The following DROSHA variants were observed in gnomAD, a reference collection of about 807,000 sequenced individuals.
The protein encoded by DROSHA is ribonuclease 3.
DROSHA carries 56 observed loss-of-function variants against 181.9 expected under a neutral mutation model. The ratio of observed to expected loss-of-function variants is 0.31; its 90% CI spans 0.25 to 0.38. The LOEUF (loss-of-function observed/expected upper bound fraction) is 0.38, where lower values mean the gene tolerates loss of function less well. DROSHA is among the 10% of genes least tolerant of loss of function. DROSHA has a pLI of 1.00. For synonymous variants in DROSHA, 524 were observed against 591.2 expected (o/e 0.89, Z 1.65); for missense variants, 1,218 against 1,743.5 (o/e 0.70, Z 5.37).
chr5:31,454,454 A>G (rs2150017720), intron 20 of DROSHA, among the ~76,000 whole-genome samples: 1 of 152,330 alleles, frequency 6.6e-6, no homozygotes, highest in Admixed American at 6.5e-5. Flanking sequence ...TGCAAAAATA[A>G]CAGGAGGAGG....
intron 16 of DROSHA, among the ~76,000 whole-genome samples, chr5:31,481,124 A>C (rs890270677): frequency 2.6e-5 from 4 of 152,320 alleles, no homozygotes; most frequent in East Asian, 1.9e-4. Flanking sequence ...CCATTTTCTA[A>C]AAGATCTTTA....
rs912261150 is a variant in DROSHA, at chr5:31,400,910, C to T, written c.*522G>A. The T allele has an allele frequency of 2.5e-5, 4 of 158,260 alleles. No homozygotes were observed. The highest frequency in any genetic ancestry group is 4.2e-5 in the Non-Finnish European group (3 of 72,174). The allele number at this position is 158,260 out of a possible 1,614,324, so 9.8% of individuals were successfully genotyped here. ...AGCCAATTAATTGTTAAACGGATTC[C>T]TTCTACAAAACACTCACTGCTTAGA... is the stretch of plus-strand genomic sequence containing the variant. On this transcript the variant is annotated 3_prime_UTR_variant, in exon 36 of 36. Transcript: ENST00000344624.
intron 23 of DROSHA, among the ~76,000 whole-genome samples, chr5:31,438,259 T>A (rs1256340668): frequency 1.3e-5 from 2 of 152,112 alleles, no homozygotes; most frequent in Admixed American, 1.3e-4. Context: ...TGATTTAGGT[T>A]TTCAACAGGC....
At chr5:31,444,677 T>C (rs1746038555) in intron 23 of DROSHA, among the ~76,000 whole-genome samples, 2 of 152,200 alleles carry the variant, frequency 1.3e-5, no homozygotes, top group Non-Finnish European at 2.9e-5. Flanking sequence ...TATAGAATTC[T>C]ACTTATTAAA....
chr5:31,519,032 A>C (rs1739579406), intron 6 of DROSHA, among the ~76,000 whole-genome samples: 1 of 152,102 alleles, frequency 6.6e-6, no homozygotes, highest in African/African-American at 2.4e-5. Context: ...CAAAATTCAA[A>C]ATCCAAACTC....
At chr5:31,462,667 G>GA (rs398108781) in intron 20 of DROSHA, among the ~76,000 whole-genome samples, 41,144 of 132,634 alleles carry the variant, frequency 0.31, 6,267 homozygotes, top group East Asian at 0.58. Flanking sequence ...CAATGCTTCA[G>GA]AAAAAAAAAA....
intron 28 of DROSHA, 55 bp downstream of exon 28, chr5:31,424,372 T>G (rs1743201249): frequency 6.4e-7 from 1 of 1,558,482 alleles, no homozygotes; most frequent in African/African-American, 1.4e-5. Context: ...CAAAGGAAAG[T>G]AACATGAATA....
chr5:31,451,726 T>G (rs889561285), intron 20 of DROSHA, 86 bp from the exon 21 acceptor site: 5 of 1,097,962 alleles, frequency 4.6e-6, no homozygotes, highest in Non-Finnish European at 6.6e-6. Context: ...AGAACCATTT[T>G]CACATTCCAA....
intron 20 of DROSHA, among the ~76,000 whole-genome samples, chr5:31,462,481 G>GA (rs1198630420): frequency 2.6e-5 from 4 of 151,966 alleles, no homozygotes; most frequent in Non-Finnish European, 5.9e-5. Flanking sequence ...TACCAACCTC[G>GA]AAACAGAATA....
rs74354682 is a variant in DROSHA, at chr5:31,462,668, A to G, written c.2574+1568T>C. 9.9e-5 allele frequency among the ~76,000 whole-genome samples: 7 copies of G among 70,698 alleles called. No homozygotes were observed. In the East Asian group the frequency reaches 6.9e-3, roughly 70 times the overall value. The allele number at this position is 70,698 out of a possible 152,430, so 46.4% of individuals were successfully genotyped here. On this transcript the variant is annotated intron_variant, in intron 20 of 35. Coordinates refer to ENST00000344624, the MANE Select transcript of DROSHA (RefSeq NM_001382508.1). ...GAAAAAAAAAGGCTCAATGCTTCAG[A>G]AAAAAAAAAAAAAGATACTGTATTC...
At position 31,405,837 on chromosome 5, in the gene DROSHA, C is replaced by T. The variant is rs552688530; in HGVS notation, c.3948-114G>A. On this transcript the variant is annotated intron_variant, in intron 34 of 35. Transcript: ENST00000344624. ...TACAAATCTTTCAGGCTGATTTTCA[C>T]GTTCAGTGCATAAAATCTCCTCTGA... 59 of 883,986 alleles carry T rather than the reference C, an allele frequency of 6.7e-5. 1 individual carries two copies. Among genetic ancestry groups the T allele is most frequent in the Middle Eastern group, 3.7e-4 (1 of 2,680 alleles). 54.8% of individuals were successfully genotyped at this position (883,986 alleles called of 1,614,324 possible). A position where few individuals can be genotyped will look rare whatever the true frequency, so the allele number is the denominator to read the frequency against.
chr5:31,509,119 G>A (rs960597913), intron 9 of DROSHA, among the ~76,000 whole-genome samples: 11 of 151,978 alleles, frequency 7.2e-5, no homozygotes, highest in East Asian at 1.9e-4. Context: ...CACCGCACCC[G>A]GCTGACAAAC....
At chr5:31,499,949 G>A (rs1337838125) in intron 11 of DROSHA, among the ~76,000 whole-genome samples, 1 of 152,200 alleles carries the variant, frequency 6.6e-6, no homozygotes, top group Non-Finnish European at 1.5e-5. Flanking sequence ...CCAAGCCTAA[G>A]GCTTACCTGT....
chr5:31,414,692 T>C (rs1234281656), intron 30 of DROSHA, among the ~76,000 whole-genome samples: 1 of 152,206 alleles, frequency 6.6e-6, no homozygotes. Flanking sequence ...CACAACAGCA[T>C]CATCATAATT....
At chr5:31,471,835 T>A (rs1017657531) in intron 17 of DROSHA, among the ~76,000 whole-genome samples, 5 of 152,222 alleles carry the variant, frequency 3.3e-5, no homozygotes, top group Non-Finnish European at 7.3e-5. Context: ...CTTAAAAATG[T>A]ACCTATCTTC....
chr5:31,486,011 C>A (rs189111270), intron 14 of DROSHA, among the ~76,000 whole-genome samples: 1 of 152,308 alleles, frequency 6.6e-6, no homozygotes, highest in Non-Finnish European at 1.5e-5. Context: ...TTTTAAATCT[C>A]TTGCATATAT....
At chr5:31,460,309 A>C (rs1304250142) in intron 20 of DROSHA, among the ~76,000 whole-genome samples, 1 of 152,222 alleles carries the variant, frequency 6.6e-6, no homozygotes, top group African/African-American at 2.4e-5. Context: ...TTCGGTTCAC[A>C]TATAATTACA....
At chr5:31,426,291 A>T (rs978537770) in intron 27 of DROSHA, among the ~76,000 whole-genome samples, 55 of 152,162 alleles carry the variant, frequency 3.6e-4, no homozygotes, top group African/African-American at 1.3e-3. Flanking sequence ...ACCATTTATT[A>T]GCTCAAGGAC....
In DROSHA at chr5:31,495,378, G is replaced by A. The variant is rs544075057; in HGVS notation, c.1669-6C>T. ...GGACGACAGGGCTTGATGGCCTGAG[G>A]GGAAAAAAACGAAAATCAGTTTACA... On this transcript the variant is annotated splice_polypyrimidine_tract_variant and splice_region_variant and intron_variant, in intron 11 of 35. Coordinates refer to ENST00000344624, the MANE Select transcript of DROSHA (RefSeq NM_001382508.1). 474 of 1,610,424 alleles carry A rather than the reference G, an allele frequency of 2.9e-4. 4 individuals are homozygous for A. The South Asian group carries it at 5.0e-3, about 17-fold the overall frequency.
Sources: gnomAD v4.1 joint callset for allele counts (sites outside exome capture counted in the v4.1 genomes callset) on GRCh38, gnomAD v4.1.1 for gene constraint, MANE v1.5 for transcripts, NCBI Gene and HGNC (gene_info 2026-07-23, HGNC 2026-07-21) for gene names.